LDLRAD4: variants seen among roughly 807,000 people sequenced by gnomAD.
LDLRAD4 encodes the protein low-density lipoprotein receptor class A domain-containing protein 4.
A neutral mutation model predicts 17.0 loss-of-function variants in LDLRAD4; 5 were observed. The ratio of observed to expected loss-of-function variants is 0.29; its 90% confidence interval spans 0.15 to 0.62. The LOEUF (loss-of-function observed/expected upper bound fraction) is 0.62. LDLRAD4 is among the 20% of genes least tolerant of loss of function. The pLI, the probability that LDLRAD4 is intolerant of heterozygous loss-of-function variation, is 0.84. For synonymous variants in LDLRAD4, 168 were observed against 171.8 expected (o/e 0.98, Z 0.17); for missense variants, 340 against 424.7 (o/e 0.80, Z 1.75).
intron 3 of LDLRAD4, among the ~76,000 whole-genome samples, chr18:13,447,995 G>A (rs1376293789): frequency 6.6e-6 from 1 of 152,178 alleles, no homozygotes; most frequent in Non-Finnish European, 1.5e-5. Flanking sequence ...TGGCCGGGAG[G>A]GTGTAGGGAG....
In LDLRAD4 at chr18:13,507,089, T is replaced by C. The variant is rs80349686; in HGVS notation, c.181+68705T>C. ...CTGTGCCACATTTTGGCAATTCTTG[T>C]GATATTTTCAACTTCTTATTATATG... On this transcript the variant is annotated intron_variant, in intron 3 of 5. Coordinates refer to ENST00000359446, the Ensembl canonical transcript of LDLRAD4. Among the ~76,000 whole-genome samples, 280 of 152,364 alleles carry C rather than the reference T, an allele frequency of 1.8e-3. 5 individuals are homozygous for C. The East Asian group carries it at 0.044, about 24-fold the overall frequency.
chr18:13,290,737 T>G (rs2045918479), intron 1 of LDLRAD4, among the ~76,000 whole-genome samples: 1 of 152,266 alleles, frequency 6.6e-6, no homozygotes, highest in South Asian at 2.1e-4. Context: ...TGCTGGTGCA[T>G]TCTCAGAAGT....
At chr18:13,614,790 A>G (rs1479696013) in intron 3 of LDLRAD4, 1 of 152,218 alleles carries the variant, frequency 6.6e-6, no homozygotes, top group African/African-American at 2.4e-5. Flanking sequence ...AGAATTTACC[A>G]GCCTTTAGGA....
chr18:13,534,058 A>G (rs2094167642), intron 3 of LDLRAD4, among the ~76,000 whole-genome samples: 2 of 152,084 alleles, frequency 1.3e-5, no homozygotes, highest in African/African-American at 4.8e-5. Context: ...GATGCTTCCT[A>G]TGAATTGTTG....
chr18:13,357,008 C>T (rs1290728039), intron 1 of LDLRAD4, among the ~76,000 whole-genome samples: 1 of 152,094 alleles, frequency 6.6e-6, no homozygotes, highest in Admixed American at 6.5e-5. Flanking sequence ...GTGGTGCGCA[C>T]CTGTAATCCC....
intron 1 of LDLRAD4, among the ~76,000 whole-genome samples, chr18:13,263,693 TG>T (rs2044050638): frequency 6.6e-6 from 1 of 152,192 alleles, no homozygotes; most frequent in Non-Finnish European, 1.5e-5. Context: ...ACCCACCTCA[TG>T]GGTTCTTATA....
chr18:13,264,181 A>C (rs9951865), intron 1 of LDLRAD4, among the ~76,000 whole-genome samples: 2,549 of 152,116 alleles, frequency 0.017, 76 homozygotes, highest in African/African-American at 0.059. Flanking sequence ...CGTTTGAAAG[A>C]GCGAGTGGGG....
At chr18:13,604,775 A>T (rs940389614) in intron 3 of LDLRAD4, among the ~76,000 whole-genome samples, 13 of 152,182 alleles carry the variant, frequency 8.5e-5, no homozygotes, top group Non-Finnish European at 1.5e-4. Flanking sequence ...GTTTCACCTG[A>T]TAATATGCAG....
chr18:13,596,444 A>G (rs549556377), intron 3 of LDLRAD4, among the ~76,000 whole-genome samples: 4 of 151,964 alleles, frequency 2.6e-5, no homozygotes, highest in African/African-American at 9.7e-5. Flanking sequence ...TATTCCTCCT[A>G]TACTGCTTTA....
chr18:13,425,138 G>A (rs890868334), intron 2 of LDLRAD4, among the ~76,000 whole-genome samples: 2 of 152,144 alleles, frequency 1.3e-5, no homozygotes, highest in African/African-American at 2.4e-5. Flanking sequence ...ACATTCTAGC[G>A]ATTGAAGGCA....
chr18:13,237,940 C>T (rs1356886106), intron 1 of LDLRAD4, among the ~76,000 whole-genome samples: 1 of 152,184 alleles, frequency 6.6e-6, no homozygotes, highest in African/African-American at 2.4e-5. Context: ...GGGGTAGAGT[C>T]TGGTGGCCTC....
At chr18:13,249,810 T>C (rs2043144684) in intron 1 of LDLRAD4, among the ~76,000 whole-genome samples, 1 of 152,232 alleles carries the variant, frequency 6.6e-6, no homozygotes, top group Non-Finnish European at 1.5e-5. Flanking sequence ...GTCTTACTTA[T>C]AAATTTTTTC....
intron 1 of LDLRAD4, among the ~76,000 whole-genome samples, chr18:13,345,933 A>G (rs1179962306): frequency 6.6e-6 from 1 of 152,122 alleles, no homozygotes; most frequent in African/African-American, 2.4e-5. Flanking sequence ...TATCCCCTTC[A>G]TCATTTTTTA....
At chr18:13,487,927 G>A (rs185779776) in intron 3 of LDLRAD4, 127 of 152,852 alleles carry the variant, frequency 8.3e-4, no homozygotes, top group Middle Eastern at 3.3e-3. Flanking sequence ...GATGGGAGAG[G>A]GCAGGGGCCT....
At chr18:13,447,141 T>C (rs940434697) in intron 3 of LDLRAD4, among the ~76,000 whole-genome samples, 6 of 120,130 alleles carry the variant, frequency 5.0e-5, no homozygotes, top group Non-Finnish European at 6.7e-5. Flanking sequence ...CCCCCCTTTT[T>C]TTTGACTTAA....
chr18:13,450,817 G>A (rs1375942376), intron 3 of LDLRAD4, among the ~76,000 whole-genome samples: 1 of 152,126 alleles, frequency 6.6e-6, no homozygotes, highest in Non-Finnish European at 1.5e-5. Flanking sequence ...CTGCTCTTCA[G>A]GGGGAGTGTC....
rs912044108 is a variant in LDLRAD4, at chr18:13,300,037, T to A, written c.-383+21849T>A. ...AGCCTCTCATGGCTCAGTTGCTGGC[T>A]TTGTGTGAACACAGAGACAATGTGT... On this transcript the variant is annotated intron_variant, in intron 1 of 5. Coordinates refer to ENST00000359446, the Ensembl canonical transcript of LDLRAD4. This position sits in a 1 kb window ranked among gnomAD's most constrained non-coding sequence, Gnocchi z 4.2. Among the ~76,000 whole-genome samples the A allele has an allele frequency of 6.6e-6, 1 of 152,190 alleles. No homozygotes were observed. Among genetic ancestry groups the A allele is most frequent in the Non-Finnish European group, 1.5e-5 (1 of 68,028 alleles).
chr18:13,356,634 C>T (rs936023240), intron 1 of LDLRAD4, among the ~76,000 whole-genome samples: 1 of 152,102 alleles, frequency 6.6e-6, no homozygotes, highest in African/African-American at 2.4e-5. Flanking sequence ...GACAGTTTCC[C>T]CTGGAACCAC....
At chr18:13,226,318 G>A (rs900413380) in intron 1 of LDLRAD4, among the ~76,000 whole-genome samples, 2 of 150,814 alleles carry the variant, frequency 1.3e-5, no homozygotes, top group African/African-American at 2.4e-5. Flanking sequence ...CCTGTGCTTG[G>A]CCTGAACATT....
Sources: allele counts gnomAD v4.1 joint callset (sites outside exome capture counted in the v4.1 genomes callset), GRCh38; gene constraint gnomAD v4.1.1; non-coding constraint Gnocchi (gnomAD v3.1); transcripts MANE v1.5; gene names NCBI Gene and HGNC (gene_info 2026-07-23, HGNC 2026-07-21).